ARL8B: variants seen among roughly 807,000 people sequenced by gnomAD.
The protein encoded by ARL8B is ADP-ribosylation factor-like protein 8B.
Under a neutral mutation model 30.6 loss-of-function variants are expected in ARL8B, and 9 were observed. The ratio of observed to expected loss-of-function variants is 0.29; its 90% confidence interval spans 0.18 to 0.51. ARL8B has a LOEUF of 0.51. ARL8B is among the 20% of genes least tolerant of loss of function. ARL8B has a pLI of 0.97. For synonymous variants in ARL8B, 74 were observed against 76.0 expected (o/e 0.97, Z 0.14); for missense variants, 130 against 227.2 (o/e 0.57, Z 2.75).
chr3:5,171,397 C>G (rs768331234), intron 2 of ARL8B, among the ~76,000 whole-genome samples: 2 of 152,106 alleles, frequency 1.3e-5, no homozygotes, highest in East Asian at 1.9e-4. Flanking sequence ...GTTGCCCAGG[C>G]TTGGAGTGCA....
At chr3:5,171,999 C>T (rs1484287536) in intron 2 of ARL8B, 151 bp from the exon 3 acceptor site, 8 of 626,744 alleles carry the variant, frequency 1.3e-5, no homozygotes, top group Non-Finnish European at 2.2e-5. Context: ...ATATTAAGAG[C>T]TTGTTTGAGG....
At chr3:5,171,807 G>A (rs544979548) in intron 2 of ARL8B, among the ~76,000 whole-genome samples, 15 of 152,324 alleles carry the variant, frequency 9.8e-5, no homozygotes, top group African/African-American at 3.4e-4. Context: ...AATCTGGATG[G>A]TGCATGGTCC....
chr3:5,128,997 T>C (rs2054257307), intron 1 of ARL8B, among the ~76,000 whole-genome samples: 1 of 138,102 alleles, frequency 7.2e-6, no homozygotes, highest in Admixed American at 7.0e-5. Flanking sequence ...AATTCCCTTA[T>C]TGGACATTTG....
intron 1 of ARL8B, among the ~76,000 whole-genome samples, chr3:5,141,382 A>G (rs982590441): frequency 6.6e-5 from 10 of 152,294 alleles, no homozygotes; most frequent in South Asian, 4.1e-4. Flanking sequence ...TCTTCCTTAT[A>G]GGAGAGTGAG....
At chr3:5,168,194 C>G (rs1176096552) in intron 1 of ARL8B, among the ~76,000 whole-genome samples, 1 of 152,186 alleles carries the variant, frequency 6.6e-6, no homozygotes, top group South Asian at 2.1e-4. Context: ...CCACCTCAGC[C>G]TCCCTAGTAG....
At position 5,179,836 on chromosome 3, in the gene ARL8B, C is replaced by T. The variant is rs187644975; in HGVS notation, c.*1123C>T. 1.3e-5 allele frequency: 2 copies of T among 152,522 alleles called. No individual in the cohort carries two copies. The highest frequency in any genetic ancestry group is 1.9e-4 in the East Asian group (1 of 5,184). 9.4% of individuals were successfully genotyped at this position (152,522 alleles called of 1,614,324 possible). ...CTGCTTTATCTAATGTAATCATGCT[C>T]AATGTCTACAGGTTGTTTAATAATC... On this transcript the variant is annotated 3_prime_UTR_variant, in exon 7 of 7. Transcript: ENST00000256496.
chr3:5,168,214 C>T (rs1575573530), intron 1 of ARL8B, among the ~76,000 whole-genome samples: 1 of 152,168 alleles, frequency 6.6e-6, no homozygotes, highest in Non-Finnish European at 1.5e-5. Flanking sequence ...GCTGGGACTA[C>T]AGGTGCATAT....
At chr3:5,137,565 A>G (rs956725827) in intron 1 of ARL8B, among the ~76,000 whole-genome samples, 10 of 151,510 alleles carry the variant, frequency 6.6e-5, no homozygotes, top group African/African-American at 2.4e-4. Context: ...CAGCCTCCCA[A>G]GTAGCTGGGA....
chr3:5,128,410 A>T (rs754246565), intron 1 of ARL8B: 1 of 450,658 alleles, frequency 2.2e-6, no homozygotes, highest in Non-Finnish European at 4.4e-6. Context: ...TACCTTCCAT[A>T]AAGTTTTCTA....
intron 1 of ARL8B, among the ~76,000 whole-genome samples, chr3:5,138,388 T>C (rs556815775): frequency 4.6e-5 from 7 of 152,152 alleles, no homozygotes; most frequent in Non-Finnish European, 7.4e-5. Flanking sequence ...GAAAATCACT[T>C]TTAGGGCTTT....
chr3:5,156,327 A>G (rs1423748022), intron 1 of ARL8B, among the ~76,000 whole-genome samples: 1 of 148,860 alleles, frequency 6.7e-6, no homozygotes, highest in Non-Finnish European at 1.5e-5. Context: ...AAAACTGGAA[A>G]TTTGAATCTA....
chr3:5,122,718 C>T (rs908613336), intron 1 of ARL8B, 130 bp downstream of exon 1: 1 of 1,056,774 alleles, frequency 9.5e-7, no homozygotes. Flanking sequence ...GAAGCTGGGC[C>T]TGTCATCTCC....
At chr3:5,132,171 G>C (rs1031590673) in intron 1 of ARL8B, among the ~76,000 whole-genome samples, 2 of 152,168 alleles carry the variant, frequency 1.3e-5, no homozygotes, top group Non-Finnish European at 2.9e-5. Context: ...ACAGGCATGA[G>C]CCTGTACTGT....
At chr3:5,133,821 C>G (rs1374356590) in intron 1 of ARL8B, among the ~76,000 whole-genome samples, 1 of 152,034 alleles carries the variant, frequency 6.6e-6, no homozygotes, top group Admixed American at 6.6e-5. Context: ...GTCTGTGGTC[C>G]TAGCTGCCGG....
intron 2 of ARL8B, 192 bp downstream of exon 2, chr3:5,170,775 A>G (rs1575574568): frequency 2.1e-6 from 1 of 485,526 alleles, no homozygotes; most frequent in East Asian, 3.7e-5. Flanking sequence ...TCTTTCACCC[A>G]GGCTGGAGTG....
intron 3 of ARL8B, 37 bp from the exon 4 acceptor site, chr3:5,172,610 C>T: frequency 7.4e-7 from 1 of 1,358,046 alleles, no homozygotes; most frequent in South Asian, 1.2e-5. Flanking sequence ...TCAAGGCATA[C>T]AGAGAAGGTA....
intron 4 of ARL8B, 86 bp downstream of exon 4, chr3:5,172,826 G>A (rs2054687908): frequency 2.2e-6 from 2 of 898,004 alleles, no homozygotes; most frequent in Non-Finnish European, 3.4e-6. Context: ...AATTATGTTT[G>A]AAATCAGTAA....
intron 1 of ARL8B, among the ~76,000 whole-genome samples, chr3:5,144,259 C>T (rs917520700): frequency 6.6e-6 from 1 of 152,172 alleles, no homozygotes; most frequent in Non-Finnish European, 1.5e-5. Context: ...GAAAGGTGAT[C>T]TCTGATCACC....
intron 1 of ARL8B, among the ~76,000 whole-genome samples, chr3:5,163,437 C>T (rs935532747): frequency 6.6e-6 from 1 of 152,010 alleles, no homozygotes; most frequent in African/African-American, 2.4e-5. Flanking sequence ...GCATATAAAA[C>T]AGATCAAATT....
Sources: allele counts gnomAD v4.1 joint callset (sites outside exome capture counted in the v4.1 genomes callset), GRCh38; gene constraint gnomAD v4.1.1; transcripts MANE v1.5; gene names NCBI Gene and HGNC (gene_info 2026-07-23, HGNC 2026-07-21).